RYR2: variants seen among roughly 807,000 people sequenced by gnomAD.
RYR2 encodes cardiac muscle ryanodine receptor-calcium release channel.
RYR2 carries 227 observed loss-of-function variants against 601.1 expected under a neutral mutation model. The observed-to-expected ratio is 0.38, with a 90% CI of 0.34 to 0.42. RYR2 has a LOEUF of 0.42. RYR2 is among the 10% of genes least tolerant of loss of function. The probability of loss-of-function intolerance (pLI) is 1.00; values close to 1 mark genes in which losing one functional copy is unlikely to be tolerated. For missense variants in RYR2, 4,646 were observed against 6,156.5 expected (o/e 0.75, Z 8.21); for synonymous variants, 2,223 against 2,175.1 (o/e 1.02, Z -0.61).
At chr1:237,171,330 T>C (rs960146009) in intron 1 of RYR2, among the ~76,000 whole-genome samples, 1 of 152,132 alleles carries the variant, frequency 6.6e-6, no homozygotes, top group Non-Finnish European at 1.5e-5. Context: ...ATGTAGTAGT[T>C]GCTAAATGAT....
At chr1:237,415,906 C>T (rs1053855870) in intron 10 of RYR2, among the ~76,000 whole-genome samples, 5 of 152,086 alleles carry the variant, frequency 3.3e-5, no homozygotes, top group Non-Finnish European at 7.4e-5. Flanking sequence ...AGGTAAAACG[C>T]GGTTGTCCCT....
chr1:237,593,672 T>C, intron 33 of RYR2, 36 bp downstream of exon 33: 5 of 1,606,882 alleles, frequency 3.1e-6, no homozygotes, highest in Non-Finnish European at 4.3e-6. Context: ...GAATGACATG[T>C]GAAAAAAATA....
intron 38 of RYR2, among the ~76,000 whole-genome samples, chr1:237,617,727 GC>G (rs1678629109): frequency 1.3e-5 from 2 of 152,296 alleles, no homozygotes; most frequent in Admixed American, 6.5e-5. Flanking sequence ...GCCAAGATAT[GC>G]CAGAGTCTGA....
chr1:237,502,632 CCACTGCTGATCT>C (rs1664780116), intron 21 of RYR2, among the ~76,000 whole-genome samples: 1 of 152,066 alleles, frequency 6.6e-6, no homozygotes, highest in Admixed American at 6.6e-5. Context: ...AAATCTAAGG[CCACTGCTGATCT>C]CACAGGGGGC....
At chr1:237,236,704 A>G (rs998789086) in intron 1 of RYR2, among the ~76,000 whole-genome samples, 20 of 152,194 alleles carry the variant, frequency 1.3e-4, no homozygotes, top group African/African-American at 4.8e-4. Context: ...AAAAGAACTT[A>G]GATTGAGTGT....
At chr1:237,211,303 T>C (rs1209072806) in intron 1 of RYR2, among the ~76,000 whole-genome samples, 1 of 152,216 alleles carries the variant, frequency 6.6e-6, no homozygotes, top group Non-Finnish European at 1.5e-5. Context: ...ACTATATGTG[T>C]ACAAGTTATC....
At chr1:237,561,224 T>G (rs1572878653) in intron 27 of RYR2, among the ~76,000 whole-genome samples, 1 of 152,212 alleles carries the variant, frequency 6.6e-6, no homozygotes. Context: ...ACCGAAGTTA[T>G]GTGAACAGTG....
chr1:237,815,117 T>C (rs963606009), intron 100 of RYR2, among the ~76,000 whole-genome samples: 2 of 152,052 alleles, frequency 1.3e-5, no homozygotes, highest in African/African-American at 4.8e-5. Flanking sequence ...CCACAGACTA[T>C]AACATCTTGG....
At chr1:237,825,291 A>G (rs564742942) in intron 101 of RYR2, among the ~76,000 whole-genome samples, 2 of 152,340 alleles carry the variant, frequency 1.3e-5, no homozygotes, top group South Asian at 4.1e-4. Flanking sequence ...TAACAAAAAG[A>G]GTATGGTATT....
chr1:237,277,226 A>G (rs1690377435), intron 2 of RYR2, among the ~76,000 whole-genome samples: 1 of 152,228 alleles, frequency 6.6e-6, no homozygotes, highest in Admixed American at 6.5e-5. Context: ...TTATGTTTAA[A>G]AAATAATAAA....
chr1:237,519,745 T>C (rs915249235), intron 24 of RYR2, among the ~76,000 whole-genome samples: 69 of 152,184 alleles, frequency 4.5e-4, no homozygotes, highest in African/African-American at 1.6e-3. Flanking sequence ...CCCCTCAGGA[T>C]TGCTTTGGCT....
Position 237,282,082 on chromosome 1 carries a change from G to A in RYR2, c.168+11466G>A, listed in dbSNP as rs547544379. Among the ~76,000 whole-genome samples, 287 of 152,218 alleles carry A rather than the reference G, an allele frequency of 1.9e-3. 1 individual carries two copies. The highest frequency in any genetic ancestry group is 6.5e-3 in the African/African-American group (272 of 41,530). Reference sequence around the variant, plus strand: ...CCACTGTTAGAAGCCTGGCTATAAAGTATATACTGCAGAAAGTATATACTT... The same window carrying A: ...CCACTGTTAGAAGCCTGGCTATAAAATATATACTGCAGAAAGTATATACTT... On this transcript the variant is annotated intron_variant, in intron 2 of 104. Coordinates refer to ENST00000366574, the MANE Select transcript of RYR2 (RefSeq NM_001035.3).
chr1:237,723,039 A>G (rs1689882606), intron 73 of RYR2, 89 bp from the exon 74 acceptor site: 2 of 1,156,584 alleles, frequency 1.7e-6, no homozygotes, highest in Non-Finnish European at 2.4e-6. Flanking sequence ...CCCAATAAAT[A>G]ATGATGGGTG....
intron 1 of RYR2, among the ~76,000 whole-genome samples, chr1:237,159,149 C>T (rs182597221): frequency 1.9e-4 from 29 of 152,050 alleles, no homozygotes; most frequent in Admixed American, 1.4e-3. Flanking sequence ...AAATTAGCTG[C>T]GCGTGGTGGT....
chr1:237,564,400 G>T (rs1671755265), intron 27 of RYR2, among the ~76,000 whole-genome samples: 1 of 152,042 alleles, frequency 6.6e-6, no homozygotes, highest in Non-Finnish European at 1.5e-5. Context: ...CTCCCAAGTA[G>T]CTGGGATTAC....
rs143386588 is a variant in RYR2 at position 237,090,711 on chromosome 1, ATGAC to A, written c.48+48149_48+48152del. On this transcript the variant is annotated intron_variant, in intron 1 of 104. Transcript: ENST00000366574. ...GGTGTCCTTGGTTATAAATGACTGA[ATGAC>A]TGACTGTCCTCCCTGACCTTCAGGT... 1.4e-4 allele frequency among the ~76,000 whole-genome samples: 22 copies of A among 152,386 alleles called. No homozygotes were observed. The East Asian group carries it at 3.7e-3, about 25-fold the overall frequency.
intron 84 of RYR2, among the ~76,000 whole-genome samples, chr1:237,767,324 C>G (rs557069051): frequency 6.6e-6 from 1 of 152,228 alleles, no homozygotes; most frequent in East Asian, 1.9e-4. Flanking sequence ...CTATAGCACA[C>G]TGAATTCAGA....
At chr1:237,193,282 G>A (rs1258070357) in intron 1 of RYR2, among the ~76,000 whole-genome samples, 2 of 151,846 alleles carry the variant, frequency 1.3e-5, no homozygotes, top group Non-Finnish European at 2.9e-5. Context: ...TGGCTAACAT[G>A]GTGAAACCCC....
intron 1 of RYR2, chr1:237,121,040 G>GTGCACA (rs1670713370): frequency 6.6e-6 from 1 of 151,872 alleles, no homozygotes; most frequent in Non-Finnish European, 1.5e-5. Context: ...CTGTGTGTGT[G>GTGCACA]TGTGTGTGTG....
Sources: allele counts gnomAD v4.1 joint callset (sites outside exome capture counted in the v4.1 genomes callset), GRCh38; gene constraint gnomAD v4.1.1; transcripts MANE v1.5; gene names NCBI Gene and HGNC (gene_info 2026-07-23, HGNC 2026-07-21).